The following MEI4 variants were observed in gnomAD, a reference collection of about 807,000 sequenced individuals.
MEI4 encodes meiotic double-stranded break formation protein 4, also known as meiosis-specific protein MEI4.
MEI4 carries 27 observed loss-of-function variants against 31.4 expected under a neutral mutation model. The observed-to-expected ratio is 0.86, with a 90% CI of 0.63 to 1.19. The LOEUF is 1.19. MEI4 is among the 50% of genes most tolerant of loss of function. MEI4 has a pLI of 0.00. For missense variants in MEI4, 329 were observed against 398.9 expected (o/e 0.82, Z 1.49); for synonymous variants, 122 against 145.4 (o/e 0.84, Z 1.16).
rs546179984 is a variant in MEI4, at chr6:77,799,980, T to C, written c.769-28951T>C. Among the ~76,000 whole-genome samples the C allele has an allele frequency of 2.2e-4, 34 of 152,294 alleles. No homozygotes were observed. In the South Asian group the frequency reaches 6.6e-3, roughly 30 times the overall value. On this transcript the variant is annotated intron_variant, in intron 3 of 4. Coordinates refer to ENST00000684080, the MANE Select transcript of MEI4 (RefSeq NM_001322247.2). ...TTAGGATTTACTTGGCAATGGGGGC[T>C]CTTTTTTGGTTCCATATGAACTTTA... is the stretch of plus-strand genomic sequence containing the variant.
In MEI4 at chr6:77,801,799, G is replaced by T. The variant is rs549168587; in HGVS notation, c.769-27132G>T. Among the ~76,000 whole-genome samples, 224 of 152,226 alleles carry T rather than the reference G, an allele frequency of 1.5e-3. 1 individual carries two copies. Among genetic ancestry groups the T allele is most frequent in the African/African-American group, 4.5e-3 (187 of 41,556 alleles). On this transcript the variant is annotated intron_variant, in intron 3 of 4. Coordinates refer to ENST00000684080, the MANE Select transcript of MEI4 (RefSeq NM_001322247.2). ...GTTGAGCGGTTTTGAGTGAGTTTCTGAATCCTGAGTTGTAGTTTGATTGCA... is the reference window on the plus strand; with the variant it reads ...GTTGAGCGGTTTTGAGTGAGTTTCTTAATCCTGAGTTGTAGTTTGATTGCA...
chr6:77,751,597 C>T (rs1767777061), intron 2 of MEI4, among the ~76,000 whole-genome samples: 1 of 151,982 alleles, frequency 6.6e-6, no homozygotes, highest in South Asian at 2.1e-4. Context: ...TGACCAATAA[C>T]AAGTTCTGAA....
In MEI4 at chr6:77,828,968, C is replaced by T. The variant is rs1770018284; in HGVS notation, c.806C>T (p.Thr269Ile). The change falls in exon 4 of 5, where the codon ACC (threonine) becomes ATC (isoleucine). Residue 269 changes from threonine (T) to isoleucine (I), a missense_variant. By Grantham distance (89) the Thr-to-Ile change is moderately conservative. Coordinates refer to ENST00000684080, the MANE Select transcript of MEI4 (RefSeq NM_001322247.2). The stretch of plus-strand genomic sequence containing the variant: ...CATTATGTCTCTCAGAGTCTGGTTA[C>T]CTTGGGAAATTGCAGCTTGTTGAGA... ...VQHYVSQSLV[T>I]LGNCSLLRKS... 3.2e-6 allele frequency: 4 copies of T among 1,232,174 alleles called. No homozygotes were observed. Among genetic ancestry groups the T allele is most frequent in the Non-Finnish European group, 4.0e-6 (4 of 987,858 alleles). 76.3% of individuals were successfully genotyped at this position (1,232,174 alleles called of 1,614,324 possible).
intron 3 of MEI4, among the ~76,000 whole-genome samples, chr6:77,794,456 G>A (rs936230493): frequency 7.9e-5 from 12 of 152,052 alleles, no homozygotes; most frequent in Admixed American, 3.3e-4. Context: ...CCAGCTACTC[G>A]GGAGGGTGAG....
rs145665097 is a variant in MEI4 at position 77,767,329 on chromosome 6, A to G, written c.768+5664A>G. ...CGGGAGGCAGAGGTGACAGTGAGCC[A>G]AGACTGCACCACTGCACTCCAGCCT... is the stretch of plus-strand genomic sequence containing the variant. On this transcript the variant is annotated intron_variant, in intron 3 of 4. Coordinates refer to ENST00000684080, the MANE Select transcript of MEI4 (RefSeq NM_001322247.2). Among the ~76,000 whole-genome samples, 213 of 152,016 alleles carry G rather than the reference A, an allele frequency of 1.4e-3. 1 individual carries two copies. The highest frequency in any genetic ancestry group is 4.5e-3 in the African/African-American group (186 of 41,470).
intron 3 of MEI4, among the ~76,000 whole-genome samples, chr6:77,785,831 G>T (rs1768721472): frequency 6.6e-6 from 1 of 152,072 alleles, no homozygotes; most frequent in South Asian, 2.1e-4. Flanking sequence ...ACTGTAGTTG[G>T]ATATAAATAG....
intron 3 of MEI4, among the ~76,000 whole-genome samples, chr6:77,799,920 A>T (rs1024492507): frequency 3.9e-5 from 6 of 152,282 alleles, no homozygotes; most frequent in Admixed American, 3.3e-4. Flanking sequence ...ATTTGAAGTC[A>T]GGTAGTGTGA....
rs1472674163 is a variant in MEI4 at position 77,799,537 on chromosome 6, C to G, written c.769-29394C>G. ...TCAAATTTGGCTTTTGTTGCCATTGCTTTTGGTGTTTTAGACATGAAGTCA... is the reference window on the plus strand; with the variant it reads ...TCAAATTTGGCTTTTGTTGCCATTGGTTTTGGTGTTTTAGACATGAAGTCA... On this transcript the variant is annotated intron_variant, in intron 3 of 4. Transcript: ENST00000684080. 2.0e-5 allele frequency among the ~76,000 whole-genome samples: 3 copies of G among 152,082 alleles called. 1 individual carries two copies. Among genetic ancestry groups the G allele is most frequent in the Non-Finnish European group, 4.4e-5 (3 of 68,020 alleles).
At chr6:77,751,296 C>CAA (rs199841545) in intron 2 of MEI4, among the ~76,000 whole-genome samples, 88 of 147,808 alleles carry the variant, frequency 6.0e-4, no homozygotes, top group Non-Finnish European at 9.8e-4. Flanking sequence ...TAGAAACACA[C>CAA]AAAAAAAAAC....
intron 2 of MEI4, among the ~76,000 whole-genome samples, chr6:77,744,164 C>T (rs1050091173): frequency 6.6e-6 from 1 of 152,130 alleles, no homozygotes; most frequent in African/African-American, 2.4e-5. Context: ...GACGATCAAA[C>T]TACTCCGAGC....
At chr6:77,819,727 T>G (rs572136968) in intron 3 of MEI4, among the ~76,000 whole-genome samples, 1 of 152,284 alleles carries the variant, frequency 6.6e-6, no homozygotes, top group African/African-American at 2.4e-5. Context: ...TAAAGGCCTT[T>G]CTTTTTATTT....
intron 4 of MEI4, among the ~76,000 whole-genome samples, chr6:77,836,490 C>T (rs1360042285): frequency 6.6e-6 from 1 of 152,052 alleles, no homozygotes; most frequent in South Asian, 2.1e-4. Context: ...CATCAGGAAG[C>T]ATTTTTACTT....
rs1582002432 is a variant in MEI4, at chr6:77,665,388, GAA to G, written c.-15+12297_-15+12298del. On this transcript the variant is annotated intron_variant, in intron 1 of 4. Coordinates refer to ENST00000684080, the MANE Select transcript of MEI4 (RefSeq NM_001322247.2). ...GGGACTTGCCGCTAAGGGTGAAGGA[GAA>G]GGGGTTGAGGGGTACTTGCCCCTGC... is the stretch of plus-strand genomic sequence containing the variant. Among the ~76,000 whole-genome samples, 7 of 151,512 alleles carry G rather than the reference GAA, an allele frequency of 4.6e-5. No individual in the cohort carries two copies. The East Asian group carries it at 5.9e-4, about 13-fold the overall frequency.
At position 77,907,035 on chromosome 6, in the gene MEI4, A is replaced by ATTT. The variant is rs70974692; in HGVS notation, c.901-16045_901-16043dup. Among the ~76,000 whole-genome samples the ATTT allele has an allele frequency of 2.0e-5, 3 of 149,204 alleles. No individual in the cohort carries two copies. The South Asian group carries it at 6.3e-4, about 31-fold the overall frequency. On this transcript the variant is annotated intron_variant, in intron 4 of 4. Transcript: ENST00000684080. The stretch of plus-strand genomic sequence containing the variant: ...CTCAGATAGATTCTAGATCTTGGCT[A>ATTT]TTTTTTTTTTTAAGGTATGGTTAAA...
chr6:77,765,418 ATTT>A (rs1286745915), intron 3 of MEI4, among the ~76,000 whole-genome samples: 4 of 151,524 alleles, frequency 2.6e-5, no homozygotes, highest in Non-Finnish European at 5.9e-5. Context: ...TTTTTTTTAA[ATTT>A]TATTATTATT....
intron 2 of MEI4, among the ~76,000 whole-genome samples, chr6:77,729,378 T>C (rs1766913272): frequency 6.6e-6 from 1 of 152,224 alleles, no homozygotes; most frequent in Non-Finnish European, 1.5e-5. Context: ...AAGATAGTGT[T>C]TCTCACACTG....
chr6:77,665,422 A>G (rs1768610513), intron 1 of MEI4, among the ~76,000 whole-genome samples: 1 of 152,084 alleles, frequency 6.6e-6, no homozygotes, highest in South Asian at 2.1e-4. Flanking sequence ...CTGCCCCAGG[A>G]AAGCGGGACT....
intron 4 of MEI4, among the ~76,000 whole-genome samples, chr6:77,834,100 A>C (rs1048174536): frequency 2.6e-5 from 4 of 152,174 alleles, no homozygotes; most frequent in Non-Finnish European, 5.9e-5. Flanking sequence ...AAAACAAAAC[A>C]AAACCAAAAA....
chr6:77,857,332 T>G (rs181471562), intron 4 of MEI4, among the ~76,000 whole-genome samples: 47 of 152,316 alleles, frequency 3.1e-4, no homozygotes, highest in African/African-American at 1.1e-3. Flanking sequence ...TGGGAAGGTT[T>G]TACTGATGAA....
Sources: allele counts gnomAD v4.1 joint callset (sites outside exome capture counted in the v4.1 genomes callset), GRCh38; gene constraint gnomAD v4.1.1; transcripts MANE v1.5; gene names NCBI Gene and HGNC (gene_info 2026-07-23, HGNC 2026-07-21).